Variants in DICER1 observed in about 807,000 individuals in gnomAD.
DICER1 encodes dicer 1, ribonuclease III, also known as endoribonuclease Dicer.
In DICER1, 43 loss-of-function variants were observed where a neutral mutation model predicts 194.1. The observed-to-expected ratio is 0.22, with a 90% CI of 0.17 to 0.29. DICER1 has a LOEUF of 0.29. Among genes scored for constraint, DICER1 ranks in the 10% least tolerant of loss-of-function variants. The pLI, the probability that DICER1 is intolerant of heterozygous loss-of-function variation, is 1.00. For synonymous variants in DICER1, 832 were observed against 820.5 expected, an observed-to-expected ratio of 1.01 and a Z score of -0.24; for missense variants, 1,608 against 2,317.0, an observed-to-expected ratio of 0.69 and a Z score of 6.28.
chr14:95,091,006 GTT>G (rs1212228375), intron 26 of DICER1, 26 bp downstream of exon 26: 1 of 1,594,268 alleles, frequency 6.3e-7, no homozygotes, highest in Non-Finnish European at 8.6e-7. Context: ...TTAAGTTAAT[GTT>G]TTTTCCATGT....
At chr14:95,117,354 G>A (rs1468184470) in intron 9 of DICER1, among the ~76,000 whole-genome samples, 1 of 152,168 alleles carries the variant, frequency 6.6e-6, no homozygotes, top group Non-Finnish European at 1.5e-5. Context: ...ATGCAGTTGT[G>A]TAACATCAAT....
intron 1 of DICER1, among the ~76,000 whole-genome samples, chr14:95,148,065 T>C (rs1168646020): frequency 6.6e-6 from 1 of 152,120 alleles, no homozygotes; most frequent in African/African-American, 2.4e-5. Context: ...AGGTAAAGGA[T>C]ATTACAAAGA....
intron 1 of DICER1, among the ~76,000 whole-genome samples, chr14:95,134,731 G>A (rs1320995491): frequency 1.3e-5 from 2 of 152,150 alleles, no homozygotes; most frequent in African/African-American, 2.4e-5. Context: ...AGCAGTGCAG[G>A]GGCACCCCAC....
Position 95,131,498 on chromosome 14 carries a change from A to G in DICER1, c.438+11T>C, listed in dbSNP as rs376038413. On this transcript the variant is annotated intron_variant, in intron 4 of 26. Transcript: ENST00000343455. The stretch of plus-strand genomic sequence containing the variant: ...GGGATTTATAAAGTGAAATTTCTCT[A>G]CAAGTCTTACCTGGTGCTTAGTAAA... The G allele has an allele frequency of 3.7e-4, 592 of 1,612,292 alleles. 2 individuals are homozygous for G. The highest frequency in any genetic ancestry group is 9.6e-4 in the South Asian group (87 of 91,052).
intron 1 of DICER1, among the ~76,000 whole-genome samples, chr14:95,134,710 T>C (rs539218517): frequency 6.6e-6 from 1 of 152,326 alleles, no homozygotes; most frequent in South Asian, 2.1e-4. Flanking sequence ...CATAAAGTAC[T>C]ATCTCAAGTA....
chr14:95,130,252 T>C (rs1294634670), intron 4 of DICER1, 60 bp from the exon 5 acceptor site: 2 of 1,522,318 alleles, frequency 1.3e-6, no homozygotes, highest in Admixed American at 3.4e-5. Context: ...TATACTTACA[T>C]AAAATCAGAT....
intron 26 of DICER1, 110 bp from the exon 27 acceptor site, chr14:95,090,773 C>T (rs1889730041): frequency 1.5e-6 from 2 of 1,328,344 alleles, no homozygotes; most frequent in Non-Finnish European, 2.2e-6. Flanking sequence ...TAAGCTGACA[C>T]CACACAAAGG....
intron 2 of DICER1, 61 bp downstream of exon 2, chr14:95,133,254 T>C: frequency 6.4e-7 from 1 of 1,571,448 alleles, no homozygotes; most frequent in Non-Finnish European, 8.8e-7. Context: ...TTGTGTCAAC[T>C]ATATGCTAAT....
rs905092027 is a variant in DICER1, at chr14:95,157,391, C to G, written c.-207G>C. On this transcript the variant is annotated 5_prime_UTR_variant, in exon 1 of 27. Coordinates refer to ENST00000343455, the MANE Select transcript of DICER1 (RefSeq NM_177438.3). ...CCCGCTGTCAGGTTACTCCATTCACCTGGGCCTGCAGCAGCCTGCGCCGCG... is the reference window on the plus strand; with the variant it reads ...CCCGCTGTCAGGTTACTCCATTCACGTGGGCCTGCAGCAGCCTGCGCCGCG... 3.3e-5 allele frequency: 5 copies of G among 152,902 alleles called. No individual in the cohort carries two copies. The highest frequency in any genetic ancestry group is 1.2e-4 in the African/African-American group (5 of 41,414). 9.5% of individuals were successfully genotyped at this position (152,902 alleles called of 1,614,324 possible). A position where few individuals can be genotyped will look rare whatever the true frequency, so the allele number is the denominator to read the frequency against.
At chr14:95,142,584 T>C (rs984657458) in intron 1 of DICER1, among the ~76,000 whole-genome samples, 3 of 152,222 alleles carry the variant, frequency 2.0e-5, no homozygotes, top group African/African-American at 4.8e-5. Flanking sequence ...TTATCCACAT[T>C]ATTTCCATTG....
rs185558077 is a variant in DICER1 at position 95,153,117 on chromosome 14, T to C, written c.-46+4113A>G. Among the ~76,000 whole-genome samples the C allele has an allele frequency of 1.1e-3, 171 of 151,724 alleles. 1 individual carries two copies. Among genetic ancestry groups the C allele is most frequent in the African/African-American group, 3.9e-3 (163 of 41,300 alleles). ...CTGTAGTCCCAGCTACTCGGGAGGC[T>C]GAGGCAGGAGAATGGCATGAGCCCA... is the stretch of plus-strand genomic sequence containing the variant. On this transcript the variant is annotated intron_variant, in intron 1 of 26. Coordinates refer to ENST00000343455, the MANE Select transcript of DICER1 (RefSeq NM_177438.3).
rs2140517503 is a variant in DICER1 at position 95,157,453 on chromosome 14, A to C, written c.-269T>G. 6.6e-6 allele frequency: 1 copy of C among 152,474 alleles called. No individual in the cohort carries two copies. The highest frequency in any genetic ancestry group is 2.0e-4 in the South Asian group (1 of 4,916). 9.4% of individuals were successfully genotyped at this position (152,474 alleles called of 1,614,324 possible). Reference sequence around the variant, plus strand: ...ACCCCTCCCGCCGGCGCCTGCGGAGACTGCGCAGCGCCCGGCTGGCCGGCA... The same window carrying C: ...ACCCCTCCCGCCGGCGCCTGCGGAGCCTGCGCAGCGCCCGGCTGGCCGGCA... On this transcript the variant is annotated 5_prime_UTR_variant, in exon 1 of 27. Coordinates refer to ENST00000343455, the MANE Select transcript of DICER1 (RefSeq NM_177438.3).
In DICER1 at chr14:95,115,831, TA is replaced by T. The variant is rs1566788994; in HGVS notation, c.1753-11del. 1.2e-6 allele frequency: 2 copies of T among 1,613,890 alleles called. No homozygotes were observed. Among genetic ancestry groups the T allele is most frequent in the South Asian group, 1.1e-5 (1 of 91,076 alleles). On this transcript the variant is annotated splice_polypyrimidine_tract_variant and intron_variant, in intron 10 of 26. Coordinates refer to ENST00000343455, the MANE Select transcript of DICER1 (RefSeq NM_177438.3). ...ACTTGTTTCTCAAGATCTGAACATT[TA>T]AAAAACAGAACTTATGATGAAAACA...
chr14:95,149,856 T>G (rs1895398915), intron 1 of DICER1, among the ~76,000 whole-genome samples: 1 of 152,082 alleles, frequency 6.6e-6, no homozygotes, highest in Non-Finnish European at 1.5e-5. Flanking sequence ...TTAAAAGACT[T>G]TAAACAACCC....
At chr14:95,137,414 A>C (rs1894479860) in intron 1 of DICER1, among the ~76,000 whole-genome samples, 1 of 139,626 alleles carries the variant, frequency 7.2e-6, no homozygotes, top group Non-Finnish European at 1.6e-5. Flanking sequence ...GGAAAGAAAA[A>C]GGGGAAGGGA....
chr14:95,139,775 G>A (rs970005740), intron 1 of DICER1, among the ~76,000 whole-genome samples: 4 of 152,198 alleles, frequency 2.6e-5, no homozygotes, highest in African/African-American at 9.6e-5. Context: ...AGAGATGAGT[G>A]CAGGAGAGAG....
chr14:95,132,142 T>G (rs973718205), intron 3 of DICER1, among the ~76,000 whole-genome samples: 4 of 152,330 alleles, frequency 2.6e-5, no homozygotes. Context: ...GTAACTTTAT[T>G]AATACAACTG....
chr14:95,112,375 T>C, intron 12 of DICER1, 128 bp from the exon 13 acceptor site: 1 of 789,970 alleles, frequency 1.3e-6, no homozygotes, highest in Non-Finnish European at 2.1e-6. Context: ...ATTCTTTATT[T>C]TGAAAAATTC....
rs772457274 is a variant in DICER1, at chr14:95,099,762, ACACACACAC to A, written c.4206+9_4206+17del. On this transcript the variant is annotated intron_variant, in intron 22 of 26. Transcript: ENST00000343455. ...CACACACACACACACACACACACAC[ACACACACAC>A]AAACTTACCATTTCATCTTTTTCCC... 5.7e-3 allele frequency: 7,124 copies of A among 1,253,814 alleles called. 102 individuals are homozygous for A. The highest frequency in any genetic ancestry group is 0.048 in the African/African-American group (3,130 of 65,748). 77.7% of individuals were successfully genotyped at this position (1,253,814 alleles called of 1,614,324 possible). A position where few individuals can be genotyped will look rare whatever the true frequency, so the allele number is the denominator to read the frequency against.
Sources: gnomAD v4.1 joint callset for allele counts (sites outside exome capture counted in the v4.1 genomes callset) on GRCh38, gnomAD v4.1.1 for gene constraint, MANE v1.5 for transcripts, NCBI Gene and HGNC (gene_info 2026-07-23, HGNC 2026-07-21) for gene names.